The following ARPC2 variants were observed in gnomAD, a reference collection of about 807,000 sequenced individuals.
ARPC2 encodes the protein actin related protein 2/3 complex subunit 2, also known as actin-related protein 2/3 complex subunit 2.
In ARPC2, 4 loss-of-function variants were observed where a neutral mutation model predicts 38.6. That is an observed-to-expected ratio of 0.10 (90% CI 0.05 to 0.24). The LOEUF (loss-of-function observed/expected upper bound fraction) is 0.24. Among genes scored for constraint, ARPC2 ranks in the 10% least tolerant of loss-of-function variants. ARPC2 has a pLI of 1.00. For synonymous variants in ARPC2, 125 were observed against 140.8 expected (o/e 0.89, Z 0.79); for missense variants, 229 against 387.3 (o/e 0.59, Z 3.43).
chr2:218,231,369 T>A (rs952005878), intron 4 of ARPC2, among the ~76,000 whole-genome samples: 4 of 152,206 alleles, frequency 2.6e-5, no homozygotes, highest in African/African-American at 9.7e-5. Flanking sequence ...CAGTACCTCT[T>A]AGATCTCAGA....
chr2:218,228,678 C>A, intron 3 of ARPC2, 60 bp from the exon 4 acceptor site: 2 of 1,084,934 alleles, frequency 1.8e-6, no homozygotes, highest in Middle Eastern at 2.0e-4. Flanking sequence ...AAGGTAGGCG[C>A]TTGGAGAGAT....
intron 4 of ARPC2, chr2:218,229,169 CAGAT>C (rs781665087): frequency 2.2e-5 from 4 of 178,922 alleles, no homozygotes; most frequent in Non-Finnish European, 3.6e-5. Flanking sequence ...ATTATCAAGG[CAGAT>C]AGATAACTTC....
chr2:218,245,497 G>A lies in ARPC2; in HGVS notation c.627G>A (p.Leu209=), dbSNP rs902027049. Residue 209 remains leucine (L), a synonymous_variant, in exon 8 of 11, where the codon CTG becomes CTA. Transcript: ENST00000315717. ...GCCACAGGGAACCTCCTCTGGAGCT[G>A]AAAGACACAGACGCCGCTGTGGGTG... The part of the protein sequence containing the change: ...LFSHREPPLE[L]KDTDAAVGDN... 2 of 1,614,174 alleles carry A rather than the reference G, an allele frequency of 1.2e-6. No homozygotes were observed. Among genetic ancestry groups the A allele is most frequent in the Admixed American group, 3.3e-5 (2 of 60,024 alleles).
At chr2:218,227,738 G>A (rs1689536543) in intron 3 of ARPC2, among the ~76,000 whole-genome samples, 1 of 151,960 alleles carries the variant, frequency 6.6e-6, no homozygotes, top group African/African-American at 2.4e-5. Flanking sequence ...TTACAGGCAT[G>A]TGCCACCACA....
Position 218,244,173 on chromosome 2 carries a change from A to G in ARPC2, c.550-1247A>G, listed in dbSNP as rs370074358. ...GGATATTTTTCCTTCGGGGAACAAA[A>G]TCTGTTCAAAAGGGGACTAATCTAA... is the stretch of plus-strand genomic sequence containing the variant. On this transcript the variant is annotated intron_variant, in intron 7 of 10. Coordinates refer to ENST00000315717, the MANE Select transcript of ARPC2 (RefSeq NM_152862.3). Among the ~76,000 whole-genome samples the G allele has an allele frequency of 6.6e-5, 10 of 152,322 alleles. No homozygotes were observed. The South Asian group carries it at 2.1e-3, about 32-fold the overall frequency.
At chr2:218,227,752 A>G (rs1206431661) in intron 3 of ARPC2, among the ~76,000 whole-genome samples, 1 of 152,060 alleles carries the variant, frequency 6.6e-6, no homozygotes, top group Non-Finnish European at 1.5e-5. Context: ...CACCACACCC[A>G]GCTAATTTTT....
intron 4 of ARPC2, among the ~76,000 whole-genome samples, chr2:218,231,323 G>C (rs995875031): frequency 6.6e-6 from 1 of 152,104 alleles, no homozygotes; most frequent in African/African-American, 2.4e-5. Flanking sequence ...CAAGGGGAGG[G>C]AGCAAAGCAG....
chr2:218,239,218 A>G, intron 6 of ARPC2, 173 bp from the exon 7 acceptor site: 1 of 602,272 alleles, frequency 1.7e-6, no homozygotes, highest in Non-Finnish European at 3.0e-6. Flanking sequence ...CTCTTAGGGC[A>G]TTCATTTTGT....
At chr2:218,226,583 C>T (rs1318952750) in intron 3 of ARPC2, among the ~76,000 whole-genome samples, 2 of 137,964 alleles carry the variant, frequency 1.4e-5, no homozygotes, top group African/African-American at 2.7e-5. Flanking sequence ...GAGCAGACAT[C>T]GCGCCACTGC....
intron 7 of ARPC2, among the ~76,000 whole-genome samples, chr2:218,245,058 G>A (rs1001008045): frequency 3.3e-5 from 5 of 152,144 alleles, no homozygotes; most frequent in Admixed American, 3.3e-4. Context: ...AGATTTTATT[G>A]ATGAATTCTA....
At chr2:218,243,504 A>C (rs1477167771) in intron 7 of ARPC2, among the ~76,000 whole-genome samples, 1 of 152,208 alleles carries the variant, frequency 6.6e-6, no homozygotes, top group Non-Finnish European at 1.5e-5. Flanking sequence ...CCAGTCAGGC[A>C]CAGTGGCTCA....
chr2:218,227,200 C>G (rs374711183), intron 3 of ARPC2: 5 of 326,628 alleles, frequency 1.5e-5, no homozygotes. Context: ...GCACCTAATT[C>G]TAGTTTCAGG....
At chr2:218,250,447 G>A (rs1210214685) in intron 10 of ARPC2, among the ~76,000 whole-genome samples, 1 of 152,066 alleles carries the variant, frequency 6.6e-6, no homozygotes, top group Non-Finnish European at 1.5e-5. Flanking sequence ...GTGGATCACA[G>A]GGTCAGGAGT....
chr2:218,222,487 T>C (rs989966666), intron 2 of ARPC2, among the ~76,000 whole-genome samples: 1 of 152,150 alleles, frequency 6.6e-6, no homozygotes, highest in Admixed American at 6.5e-5. Context: ...ATGAATTGAT[T>C]ATGTTTTAGT....
intron 7 of ARPC2, among the ~76,000 whole-genome samples, chr2:218,242,721 A>T (rs1333764814): frequency 6.6e-6 from 1 of 152,168 alleles, no homozygotes; most frequent in Non-Finnish European, 1.5e-5. Flanking sequence ...ATGATGACAT[A>T]AAAAGATGTT....
At chr2:218,250,033 G>A in intron 10 of ARPC2, 112 bp downstream of exon 10, 1 of 878,870 alleles carries the variant, frequency 1.1e-6, no homozygotes. Flanking sequence ...CTACATATGA[G>A]GTCAGCAGGG....
Position 218,253,954 on chromosome 2 carries a change from G to T in ARPC2, c.*39G>T, listed in dbSNP as rs1803066. On this transcript the variant is annotated 3_prime_UTR_variant, in exon 11 of 11. Transcript: ENST00000315717. ...AGGAGGAAGCGGCTGGCAACTGAAG[G>T]CTGGAACACTTGCTACTGGATAATC... 6.2e-7 allele frequency: 1 copy of T among 1,612,798 alleles called. No individual in the cohort carries two copies. The highest frequency in any genetic ancestry group is 2.2e-5 in the East Asian group (1 of 44,880).
intron 7 of ARPC2, among the ~76,000 whole-genome samples, chr2:218,243,311 A>G (rs1339300001): frequency 1.3e-5 from 2 of 152,264 alleles, no homozygotes; most frequent in Non-Finnish European, 2.9e-5. Context: ...GAAGAGAGAA[A>G]TAATCTGATG....
chr2:218,238,652 C>G lies in ARPC2; in HGVS notation c.269-12C>G. Reference sequence around the variant, plus strand: ...GGTTGTTTTTTGTTTCTTGTTTTTTCTTTCCCTCCAGGATACAATGTCTCT... The same window carrying G: ...GGTTGTTTTTTGTTTCTTGTTTTTTGTTTCCCTCCAGGATACAATGTCTCT... On this transcript the variant is annotated splice_polypyrimidine_tract_variant and intron_variant, in intron 5 of 10. Transcript: ENST00000315717. 2 of 880,918 alleles carry G rather than the reference C, an allele frequency of 2.3e-6. No homozygotes were observed. The highest frequency in any genetic ancestry group is 2.9e-6 in the Non-Finnish European group (2 of 691,518). 54.6% of individuals were successfully genotyped at this position (880,918 alleles called of 1,614,324 possible).
Sources: allele counts gnomAD v4.1 joint callset (sites outside exome capture counted in the v4.1 genomes callset), GRCh38; gene constraint gnomAD v4.1.1; transcripts MANE v1.5; gene names NCBI Gene and HGNC (gene_info 2026-07-23, HGNC 2026-07-21).